APOD: variants seen among roughly 807,000 people sequenced by gnomAD.
The protein encoded by APOD is apo-D.
A neutral mutation model predicts 20.4 loss-of-function variants in APOD; 22 were observed. The ratio of observed to expected loss-of-function variants is 1.08; its 90% CI spans 0.77 to 1.54. The LOEUF is 1.54. Among genes scored for constraint, APOD ranks in the 40% most tolerant of loss-of-function variants. APOD has a pLI of 0.00. For missense variants in APOD, 223 were observed against 229.6 expected (o/e 0.97, Z 0.19); for synonymous variants, 97 against 92.4 (o/e 1.05, Z -0.29).
At chr3:195,577,817 A>G (rs1720271020) in intron 2 of APOD, among the ~76,000 whole-genome samples, 2 of 152,230 alleles carry the variant, frequency 1.3e-5, no homozygotes, top group Non-Finnish European at 2.9e-5. Context: ...GACCACATAT[A>G]GTATGATTTC....
chr3:195,576,274 A>G (rs1157043399), intron 2 of APOD, among the ~76,000 whole-genome samples: 8 of 152,236 alleles, frequency 5.3e-5, no homozygotes, highest in Non-Finnish European at 1.0e-4. Context: ...ATGATTTTTC[A>G]GAAAAGAGGA....
At chr3:195,571,781 ACTT>A (rs1408909302) in intron 3 of APOD, among the ~76,000 whole-genome samples, 1 of 150,308 alleles carries the variant, frequency 6.7e-6, no homozygotes, top group Non-Finnish European at 1.5e-5. Context: ...AAGAAGATTC[ACTT>A]TTTTTTTTTT....
intron 2 of APOD, 121 bp from the exon 3 acceptor site, chr3:195,574,092 T>G: frequency 7.4e-7 from 1 of 1,352,014 alleles, no homozygotes; most frequent in Non-Finnish European, 1.0e-6. Flanking sequence ...GGCCTCATTG[T>G]TCCCAGTGGC....
At chr3:195,574,083 G>T in intron 2 of APOD, 112 bp from the exon 3 acceptor site, 1 of 1,449,464 alleles carries the variant, frequency 6.9e-7, no homozygotes, top group Non-Finnish European at 9.3e-7. Context: ...GACAAAATGG[G>T]CCTCATTGTT....
intron 2 of APOD, among the ~76,000 whole-genome samples, chr3:195,577,387 T>G (rs1321992708): frequency 6.6e-6 from 1 of 152,204 alleles, no homozygotes; most frequent in Non-Finnish European, 1.5e-5. Context: ...GACTTAATAT[T>G]GTTAAGATGG....
At chr3:195,569,785 CGTTTTTTTT>C (rs1214175667) in intron 4 of APOD, among the ~76,000 whole-genome samples, 3 of 86,888 alleles carry the variant, frequency 3.5e-5, no homozygotes, top group African/African-American at 1.4e-4. Flanking sequence ...TCTTCTTCTT[CGTTTTTTTT>C]TTTTTTTTTT....
rs772791270 is a variant in APOD, at chr3:195,569,088, A to AGTTCTC, written c.376_381dup (p.Glu126_Asn127dup). The AGTTCTC allele has an allele frequency of 6.2e-7, 1 of 1,614,224 alleles. No homozygotes were observed. The highest frequency in any genetic ancestry group is 2.2e-5 in the East Asian group (1 of 44,892). ...CAGGTACAGGAATACACGAGGGCAT[A>AGTTCTC]GTTCTCATAGTCGGTGGCCAGGATC... On this transcript the variant is annotated inframe_insertion, in exon 5 of 5. Transcript: ENST00000343267.
chr3:195,583,056 A>G (rs1283248099), intron 1 of APOD: 2 of 152,256 alleles, frequency 1.3e-5, no homozygotes, highest in Admixed American at 1.3e-4. Flanking sequence ...CTCCACTTGC[A>G]TTAAGCTTAC....
At chr3:195,576,576 G>T (rs1465229896) in intron 2 of APOD, among the ~76,000 whole-genome samples, 1 of 152,194 alleles carries the variant, frequency 6.6e-6, no homozygotes, top group Non-Finnish European at 1.5e-5. Flanking sequence ...TTGGGAGGCC[G>T]AGGCGGGTGG....
chr3:195,571,121 T>C (rs1720151155), intron 4 of APOD, 156 bp downstream of exon 4: 1 of 710,862 alleles, frequency 1.4e-6, no homozygotes, highest in South Asian at 1.6e-5. Context: ...ATGGCAACCC[T>C]AGTGCGTGAC....
At chr3:195,579,026 A>G (rs1006862223) in intron 2 of APOD, among the ~76,000 whole-genome samples, 4 of 152,112 alleles carry the variant, frequency 2.6e-5, no homozygotes, top group African/African-American at 9.7e-5. Context: ...GGCATGCTCC[A>G]CGTGTCCTCA....
chr3:195,569,853 G>A (rs573195608), intron 4 of APOD, among the ~76,000 whole-genome samples: 1 of 130,146 alleles, frequency 7.7e-6, no homozygotes, highest in African/African-American at 3.0e-5. Context: ...AGGCTGGAGT[G>A]CAATGGCGCG....
rs890210988 is a variant in APOD at position 195,569,079 on chromosome 3, C to T, written c.391G>A (p.Val131Met). The T allele has an allele frequency of 2.0e-5, 32 of 1,613,996 alleles. No individual in the cohort carries two copies. In the African/African-American group the frequency reaches 2.0e-4, roughly 10 times the overall value. Reference sequence around the variant, plus strand: ...TGGATGATGCAGGTACAGGAATACACGAGGGCATAGTTCTCATAGTCGGTG... The same window carrying T: ...TGGATGATGCAGGTACAGGAATACATGAGGGCATAGTTCTCATAGTCGGTG... ...LATDYENYAL[V>M]YSCTCIIQLF... The change falls in exon 5 of 5, where the codon GTG (valine) becomes ATG (methionine). Residue 131 changes from valine (V) to methionine (M), a missense_variant. Coordinates refer to ENST00000343267, the MANE Select transcript of APOD (RefSeq NM_001647.4).
chr3:195,572,021 T>C (rs139828053), intron 3 of APOD, among the ~76,000 whole-genome samples: 3,029 of 152,322 alleles, frequency 0.02, 36 homozygotes, highest in Non-Finnish European at 0.03. Flanking sequence ...CCTCAGGCAA[T>C]CTACCTGCCT....
intron 4 of APOD, 54 bp from the exon 5 acceptor site, chr3:195,569,189 A>C: frequency 2.4e-5 from 36 of 1,490,522 alleles, no homozygotes; most frequent in Middle Eastern, 1.7e-4. Flanking sequence ...GAGAAATCTC[A>C]GGACAACACA....
In APOD at chr3:195,575,957, C is replaced by T. The variant is rs78691021; in HGVS notation, c.124-1986G>A. 4.2e-3 allele frequency among the ~76,000 whole-genome samples: 640 copies of T among 152,180 alleles called. 2 individuals carry two copies. Among genetic ancestry groups the T allele is most frequent in the African/African-American group, 0.015 (611 of 41,522 alleles). On this transcript the variant is annotated intron_variant, in intron 2 of 4. Transcript: ENST00000343267. ...AGAAATTTAAAAACAAAAAGAGATG[C>T]GCTCACCTTCAGAGTCAGAACTTGA... is the stretch of plus-strand genomic sequence containing the variant.
At chr3:195,571,581 G>C (rs1720160066) in intron 3 of APOD, among the ~76,000 whole-genome samples, 1 of 152,044 alleles carries the variant, frequency 6.6e-6, no homozygotes, top group South Asian at 2.1e-4. Flanking sequence ...AGGCCAAGCA[G>C]GGGAAGAGAG....
Position 195,579,374 on chromosome 3 carries a change from T to TG in APOD, c.87dup (p.Asn30GlnfsTer9). 6.2e-7 allele frequency: 1 copy of TG among 1,614,200 alleles called. No individual in the cohort carries two copies. The highest frequency in any genetic ancestry group is 1.1e-5 in the South Asian group (1 of 91,078). On this transcript the variant is annotated frameshift_variant, in exon 2 of 5. Transcript: ENST00000343267. LOFTEE classifies it high-confidence loss of function. ...TCAAAATTCTCCTGCACCGGAGGAT[T>TG]GGGGCACTTCCCAAGATGAAATGCT...
Position 195,573,700 on chromosome 3 carries a change from C to T in APOD, c.245+150G>A. 5.8e-6 allele frequency: 6 copies of T among 1,026,226 alleles called. No homozygotes were observed. The South Asian group carries it at 6.5e-5, about 11-fold the overall frequency. The allele number at this position is 1,026,226 out of a possible 1,614,324, so 63.6% of individuals were successfully genotyped here. A position where few individuals can be genotyped will look rare whatever the true frequency, so the allele number is the denominator to read the frequency against. On this transcript the variant is annotated intron_variant, in intron 3 of 4. Coordinates refer to ENST00000343267, the MANE Select transcript of APOD (RefSeq NM_001647.4). ...TGGATCCTAGTCCTTGCCATCCTTG[C>T]CTGCCAAACGCTTTCCTCTCAATTC...
Sources: allele counts gnomAD v4.1 joint callset (sites outside exome capture counted in the v4.1 genomes callset), GRCh38; gene constraint gnomAD v4.1.1; transcripts MANE v1.5; gene names NCBI Gene and HGNC (gene_info 2026-07-23, HGNC 2026-07-21).